Variants in GRAMD1B observed in about 807,000 individuals in gnomAD.
GRAMD1B encodes protein Aster-B.
A neutral mutation model predicts 99.7 loss-of-function variants in GRAMD1B; 37 were observed. That is an observed-to-expected ratio of 0.37 (90% CI 0.29 to 0.49). GRAMD1B has a LOEUF of 0.49. Ranked by LOEUF, GRAMD1B falls within the 20% of genes least tolerant of loss-of-function variation. The pLI is 0.98. For synonymous variants in GRAMD1B, 427 were observed against 387.6 expected (o/e 1.10, Z -1.19); for missense variants, 888 against 1,009.2 (o/e 0.88, Z 1.63).
rs1380375088 is a variant in GRAMD1B at position 123,606,648 on chromosome 11, G to T, written c.1363G>T (p.Asp455Tyr). 3.7e-6 allele frequency: 6 copies of T among 1,612,878 alleles called. No individual in the cohort carries two copies. Among genetic ancestry groups the T allele is most frequent in the Admixed American group, 1.7e-5 (1 of 59,902 alleles). The change falls in exon 11 of 20, where the codon GAC becomes TAC. Residue 455 changes from aspartate (D) to tyrosine (Y), a missense_variant. By Grantham distance (160) the Asp-to-Tyr change is radical. Transcript: ENST00000635736. ...CCTGGAGGAAGAGGCGCTGGAGGGAGACGGGTCCCTGGAAAAGGAGCTCGC... is the reference window on the plus strand; with the variant it reads ...CCTGGAGGAAGAGGCGCTGGAGGGATACGGGTCCCTGGAAAAGGAGCTCGC... The part of the protein sequence containing the change: ...LPLEEEALEG[D>Y]GSLEKELAID...
intron 1 of GRAMD1B, among the ~76,000 whole-genome samples, chr11:123,387,080 C>A (rs1050697702): frequency 2.6e-5 from 4 of 152,068 alleles, no homozygotes; most frequent in Admixed American, 2.6e-4. Context: ...TTGGCAGAGA[C>A]GTTTTGTAGT....
chr11:123,411,285 T>A (rs1052753863), intron 1 of GRAMD1B, among the ~76,000 whole-genome samples: 6 of 152,136 alleles, frequency 3.9e-5, no homozygotes, highest in African/African-American at 1.4e-4. Context: ...ATTACAGGTG[T>A]GAGCCACCGC....
At chr11:123,547,393 C>G (rs1484236934) in intron 2 of GRAMD1B, among the ~76,000 whole-genome samples, 1 of 152,166 alleles carries the variant, frequency 6.6e-6, no homozygotes, top group Non-Finnish European at 1.5e-5. Context: ...GTTGATGTCT[C>G]AGAGTTGGGA....
At chr11:123,502,774 CAAAAAAAAAAA>C (rs34321315) in intron 2 of GRAMD1B, among the ~76,000 whole-genome samples, 1 of 98,526 alleles carries the variant, frequency 1.0e-5, no homozygotes, top group Non-Finnish European at 2.0e-5. Context: ...GACTCCATCT[CAAAAAAAAAAA>C]AAAAAAAAGA....
rs1948827405 is a variant in GRAMD1B at position 123,430,598 on chromosome 11, T to TA, written c.-194dup. ...CCGGAGGACGCGCGCTCCGAAAAGT[T>TA]AGACTCCGGGCGGCGGCGCGCTACG... On this transcript the variant is annotated 5_prime_UTR_variant, in exon 1 of 20. Coordinates refer to ENST00000635736, the MANE Select transcript of GRAMD1B (RefSeq NM_001387025.1). The TA allele has an allele frequency of 4.3e-6, 2 of 469,788 alleles. No individual in the cohort carries two copies. The highest frequency in any genetic ancestry group is 4.3e-5 in the Admixed American group (1 of 23,178). The allele number at this position is 469,788 out of a possible 1,614,324, so 29.1% of individuals were successfully genotyped here. A position where few individuals can be genotyped will look rare whatever the true frequency, so the allele number is the denominator to read the frequency against.
At chr11:123,428,366 G>A (rs1466548042), upstream of GRAMD1B, among the ~76,000 whole-genome samples, 1 of 152,214 alleles carries the variant, frequency 6.6e-6, no homozygotes, top group Non-Finnish European at 1.5e-5. Flanking sequence ...GACACCTGAT[G>A]GCAAGGGGTT....
At chr11:123,391,126 T>A (rs1197183396) in intron 1 of GRAMD1B, among the ~76,000 whole-genome samples, 1 of 152,018 alleles carries the variant, frequency 6.6e-6, no homozygotes, top group Non-Finnish European at 1.5e-5. Context: ...TTTTTCACAT[T>A]AGCTATTTCA....
At position 123,608,733 on chromosome 11, in the gene GRAMD1B, A is replaced by G. The variant is rs1953094470; in HGVS notation, c.1588A>G (p.Lys530Glu). ...VNEVFNFSVD[K>E]LYDLLFTNSP... is the part of the protein sequence containing the mutation. ...TGAAGTCTTCAACTTCAGCGTGGAC[A>G]AGCTCTATGACCTCCTCTTCACCAA... The change falls in exon 12 of 20, where the codon AAG (lysine) becomes GAG (glutamate). Residue 530 changes from lysine (K) to glutamate (E), a missense_variant. Transcript: ENST00000635736. 2 of 1,554,630 alleles carry G rather than the reference A, an allele frequency of 1.3e-6. No individual in the cohort carries two copies. Among genetic ancestry groups the G allele is most frequent in the Non-Finnish European group, 1.7e-6 (2 of 1,148,438 alleles).
rs76536397 is a variant in GRAMD1B at position 123,432,373 on chromosome 11, A to G, written c.374+1207A>G. On this transcript the variant is annotated intron_variant, in intron 1 of 19. Coordinates refer to ENST00000635736, the MANE Select transcript of GRAMD1B (RefSeq NM_001387025.1). Reference sequence around the variant, plus strand: ...GGAGTTCGAGACCACCCTGGCCAACATGGCGAAACTCCATTTCTGTTAAAA... The same window carrying G: ...GGAGTTCGAGACCACCCTGGCCAACGTGGCGAAACTCCATTTCTGTTAAAA... Among the ~76,000 whole-genome samples, 257 of 152,206 alleles carry G rather than the reference A, an allele frequency of 1.7e-3. 7 individuals carry two copies. The East Asian group carries it at 0.043, about 25-fold the overall frequency.
At chr11:123,467,324 T>A (rs1274434204) in intron 1 of GRAMD1B, among the ~76,000 whole-genome samples, 2 of 150,132 alleles carry the variant, frequency 1.3e-5, no homozygotes, top group South Asian at 2.1e-4. Context: ...CTCAATTTTT[T>A]AAAAAATTAA....
At chr11:123,620,647 A>G (rs1338627664) in intron 19 of GRAMD1B, among the ~76,000 whole-genome samples, 2 of 152,132 alleles carry the variant, frequency 1.3e-5, no homozygotes, top group Non-Finnish European at 2.9e-5. Flanking sequence ...AAAAGTGTTG[A>G]TGGAATTGAA....
At chr11:123,599,240 C>T in intron 7 of GRAMD1B, 1 of 752,280 alleles carries the variant, frequency 1.3e-6, no homozygotes, top group Non-Finnish European at 2.5e-6. Context: ...TGGCACCGAG[C>T]TCCTCCTTTC....
At position 123,577,634 on chromosome 11, in the gene GRAMD1B, T is replaced by C. The variant is rs1948865846; in HGVS notation, c.663+57T>C. On this transcript the variant is annotated intron_variant, in intron 3 of 19. Transcript: ENST00000635736. Reference sequence around the variant, plus strand: ...TTGTCAGGGGCTGCGGGGAGCGATATTGGGGTGGTGAGCCGGAGAACATCT... The same window carrying C: ...TTGTCAGGGGCTGCGGGGAGCGATACTGGGGTGGTGAGCCGGAGAACATCT... 5 of 1,324,638 alleles carry C rather than the reference T, an allele frequency of 3.8e-6. No homozygotes were observed. In the South Asian group the frequency reaches 3.8e-5, roughly 10 times the overall value. 82.1% of individuals were successfully genotyped at this position (1,324,638 alleles called of 1,614,324 possible).
At chr11:123,400,018 C>T (rs1022940497) in intron 1 of GRAMD1B, among the ~76,000 whole-genome samples, 1 of 152,132 alleles carries the variant, frequency 6.6e-6, no homozygotes, top group African/African-American at 2.4e-5. Flanking sequence ...AGAGAAATGT[C>T]TACTAATGTC....
At position 123,626,000 on chromosome 11, in the gene GRAMD1B, T is replaced by C. The variant is rs1955496957; in HGVS notation, c.*3405T>C. On this transcript the variant is annotated 3_prime_UTR_variant, in exon 20 of 20. Transcript: ENST00000635736. ...AGAGAGATCGAGCTTGATGTATTGC[T>C]CAGTATTCACTTAGAAGGGTTTCTT... is the stretch of plus-strand genomic sequence containing the variant. The C allele has an allele frequency of 7.0e-6, 1 of 143,000 alleles. No individual in the cohort carries two copies. Among genetic ancestry groups the C allele is most frequent in the Non-Finnish European group, 1.6e-5 (1 of 64,120 alleles). 8.9% of individuals were successfully genotyped at this position (143,000 alleles called of 1,614,324 possible). A position where few individuals can be genotyped will look rare whatever the true frequency, so the allele number is the denominator to read the frequency against.
intron 2 of GRAMD1B, among the ~76,000 whole-genome samples, chr11:123,516,531 T>C (rs1156428144): frequency 3.3e-5 from 5 of 152,232 alleles, no homozygotes; most frequent in Admixed American, 6.5e-5. Context: ...AGAAAGCTCT[T>C]GTCTCCATAA....
intron 1 of GRAMD1B, among the ~76,000 whole-genome samples, chr11:123,365,243 T>A (rs1946278231): frequency 6.9e-6 from 1 of 145,664 alleles, no homozygotes; most frequent in Non-Finnish European, 1.5e-5. Flanking sequence ...CCCTACATTT[T>A]CTTTCTTTCT....
chr11:123,508,930 C>A (rs907059437), intron 2 of GRAMD1B, among the ~76,000 whole-genome samples: 3 of 152,298 alleles, frequency 2.0e-5, no homozygotes, highest in Admixed American at 2.0e-4. Context: ...GGTGATCTGT[C>A]TACCACAGCC....
rs1955277330 is a variant in GRAMD1B, at chr11:123,622,676, A to ATATATACAGAATATAAATATATATAT, written c.*92_*117dup. On this transcript the variant is annotated 3_prime_UTR_variant, in exon 20 of 20. Coordinates refer to ENST00000635736, the MANE Select transcript of GRAMD1B (RefSeq NM_001387025.1). ...TATAAATATATATATATAAATATAT[A>ATATATACAGAATATAAATATATATAT]TATATACAGAATATAAATATATATA... 1 of 320,996 alleles carries ATATATACAGAATATAAATATATATAT rather than the reference A, an allele frequency of 3.1e-6. No individual in the cohort carries two copies. The highest frequency in any genetic ancestry group is 5.5e-6 in the Non-Finnish European group (1 of 182,366). The allele number at this position is 320,996 out of a possible 1,614,324, so 19.9% of individuals were successfully genotyped here. A position where few individuals can be genotyped will look rare whatever the true frequency, so the allele number is the denominator to read the frequency against.
Sources: allele counts gnomAD v4.1 joint callset (sites outside exome capture counted in the v4.1 genomes callset), GRCh38; gene constraint gnomAD v4.1.1; transcripts MANE v1.5; gene names NCBI Gene and HGNC (gene_info 2026-07-23, HGNC 2026-07-21).